Variants in GAS7 observed in about 807,000 individuals in gnomAD.
The protein encoded by GAS7 is growth arrest specific 7.
In GAS7, 28 loss-of-function variants were observed where a neutral mutation model predicts 71.1. That is an observed-to-expected ratio of 0.39 (90% CI 0.29 to 0.54). The LOEUF (loss-of-function observed/expected upper bound fraction) is 0.54. GAS7 is among the 20% of genes least tolerant of loss of function. The probability of loss-of-function intolerance (pLI) is 0.62; values close to 1 mark genes in which losing one functional copy is unlikely to be tolerated. For synonymous variants in GAS7, 258 were observed against 245.8 expected, an observed-to-expected ratio of 1.05 and a Z score of -0.46; for missense variants, 436 against 627.8, an observed-to-expected ratio of 0.69 and a Z score of 3.27.
intron 1 of GAS7, among the ~76,000 whole-genome samples, chr17:10,138,217 G>A (rs942102290): frequency 3.3e-5 from 5 of 151,604 alleles, no homozygotes; most frequent in Admixed American, 1.3e-4. Context: ...CGCCCGCCTC[G>A]GCCTCCCAAA....
chr17:9,990,467 G>A (rs1015673401), intron 2 of GAS7, among the ~76,000 whole-genome samples: 1 of 152,114 alleles, frequency 6.6e-6, no homozygotes, highest in Non-Finnish European at 1.5e-5. Flanking sequence ...CAATCTATTA[G>A]TCTCAGGGAC....
chr17:10,182,724 C>T (rs1008088613), intron 1 of GAS7, among the ~76,000 whole-genome samples: 2 of 152,226 alleles, frequency 1.3e-5, no homozygotes, highest in East Asian at 1.9e-4. Flanking sequence ...TTTGTGGTAC[C>T]GCCACCATCT....
intron 1 of GAS7, among the ~76,000 whole-genome samples, chr17:10,071,215 CAG>C (rs2073336814): frequency 6.6e-6 from 1 of 152,040 alleles, no homozygotes. Flanking sequence ...ATGAGGCAAA[CAG>C]AGCTGTGTTT....
In GAS7 at chr17:9,982,025, G is replaced by A. The variant is rs112318567; in HGVS notation, c.305-141C>T. The A allele has an allele frequency of 4.0e-3, 2,479 of 612,922 alleles. 52 individuals carry two copies. In the African/African-American group the frequency reaches 0.041, roughly 10 times the overall value. 38.0% of individuals were successfully genotyped at this position (612,922 alleles called of 1,614,324 possible). A position where few individuals can be genotyped will look rare whatever the true frequency, so the allele number is the denominator to read the frequency against. On this transcript the variant is annotated intron_variant, in intron 2 of 13. Coordinates refer to ENST00000432992, the MANE Select transcript of GAS7 (RefSeq NM_201433.2). ...CTCCTCCCCAACCCTGGCCAGACAG[G>A]ACCCTGCTTTCTGCTCCCATATCCA...
rs866150417 is a variant in GAS7 at position 10,158,349 on chromosome 17, A to C, written c.183+39859T>G. Among the ~76,000 whole-genome samples, 870 of 97,158 alleles carry C rather than the reference A, an allele frequency of 9.0e-3. 6 individuals are homozygous for C. The highest frequency in any genetic ancestry group is 0.034 in the African/African-American group (817 of 23,808). 63.7% of individuals were successfully genotyped at this position (97,158 alleles called of 152,430 possible). On this transcript the variant is annotated intron_variant, in intron 1 of 13. Coordinates refer to ENST00000432992, the MANE Select transcript of GAS7 (RefSeq NM_201433.2). Reference sequence around the variant, plus strand: ...TTCTTTTTTTGGTAAAAAAAAAAAAAAAAAAAAAAAACAAGGCCAGGTGCA... The same window carrying C: ...TTCTTTTTTTGGTAAAAAAAAAAAACAAAAAAAAAAACAAGGCCAGGTGCA...
Position 10,198,219 on chromosome 17 carries a change from G to A in GAS7, c.172C>T (p.Gln58Ter). 1 of 1,607,942 alleles carries A rather than the reference G, an allele frequency of 6.2e-7. No individual in the cohort carries two copies. The highest frequency in any genetic ancestry group is 1.3e-5 in the African/African-American group (1 of 75,002). The change falls in exon 1 of 14, where the codon CAG becomes TAG. Residue 58 changes from glutamine to a stop codon, truncating the protein, a stop_gained. Transcript: ENST00000432992. LOFTEE classifies it high-confidence loss of function. ...LRGWFPASYV[Q>*]LLEKPGMVPP... is the part of the protein sequence containing the mutation. The stretch of plus-strand genomic sequence containing the variant: ...CCCTCGCCCCTTACCTCCAGCAACT[G>A]CACGTAGCTCGCCGGGAACCAGCCA...
At chr17:10,159,786 C>CTTTTTTTT (rs71139021) in intron 1 of GAS7, among the ~76,000 whole-genome samples, 1 of 134,536 alleles carries the variant, frequency 7.4e-6, no homozygotes, top group Non-Finnish European at 1.6e-5. Flanking sequence ...GAAGTGTGAC[C>CTTTTTTTT]TTTTTTTTTT....
At chr17:10,093,921 A>C (rs1011662780) in intron 1 of GAS7, among the ~76,000 whole-genome samples, 1 of 152,198 alleles carries the variant, frequency 6.6e-6, no homozygotes, top group Non-Finnish European at 1.5e-5. Flanking sequence ...GACATGGCTC[A>C]GCACCCTCTC....
chr17:10,118,190 G>A (rs2073876771), intron 1 of GAS7, among the ~76,000 whole-genome samples: 1 of 133,692 alleles, frequency 7.5e-6, no homozygotes, highest in African/African-American at 2.6e-5. Context: ...AGATGATAGA[G>A]ATGGAGTAAA....
intron 9 of GAS7, among the ~76,000 whole-genome samples, chr17:9,928,151 C>T (rs897576217): frequency 1.3e-4 from 19 of 151,574 alleles, no homozygotes; most frequent in Admixed American, 9.2e-4. Flanking sequence ...CTCGCTCTGT[C>T]GCCCAGGCTG....
intron 5 of GAS7, among the ~76,000 whole-genome samples, chr17:9,958,289 T>A (rs1442905783): frequency 6.6e-6 from 1 of 152,218 alleles, no homozygotes; most frequent in Admixed American, 6.5e-5. Context: ...AATGAGCCAC[T>A]TGGATCACTA....
chr17:10,103,225 T>C lies in GAS7; in HGVS notation c.184-83328A>G, dbSNP rs1179475465. On this transcript the variant is annotated intron_variant, in intron 1 of 13. Coordinates refer to ENST00000432992, the MANE Select transcript of GAS7 (RefSeq NM_201433.2). This position sits in a 1 kb window ranked among gnomAD's most constrained non-coding sequence, Gnocchi z 5.5. ...CAGGCGTGGTGGTGCACACTTGTGGTCCTAGCTACTCAGGAGGCTAAGGTG... is the reference window on the plus strand; with the variant it reads ...CAGGCGTGGTGGTGCACACTTGTGGCCCTAGCTACTCAGGAGGCTAAGGTG... Among the ~76,000 whole-genome samples, 2 of 151,970 alleles carry C rather than the reference T, an allele frequency of 1.3e-5. No individual in the cohort carries two copies. The highest frequency in any genetic ancestry group is 4.8e-5 in the African/African-American group (2 of 41,378).
At chr17:9,957,124 CA>C (rs3837866) in intron 5 of GAS7, among the ~76,000 whole-genome samples, 71,341 of 151,618 alleles carry the variant, frequency 0.47, 17,747 homozygotes, top group Non-Finnish European at 0.56. Flanking sequence ...GTTTCTCTGG[CA>C]AAAAAATTCT....
chr17:10,024,540 G>A (rs779363527), intron 1 of GAS7, among the ~76,000 whole-genome samples: 3 of 152,102 alleles, frequency 2.0e-5, no homozygotes, highest in Non-Finnish European at 2.9e-5. Flanking sequence ...GGGGGAAAAC[G>A]AAGGAAGTTC....
intron 1 of GAS7, among the ~76,000 whole-genome samples, chr17:10,164,866 A>AAT (rs2074281572): frequency 6.7e-6 from 1 of 149,174 alleles, no homozygotes; most frequent in African/African-American, 2.5e-5. Context: ...AAAAAAAAAA[A>AAT]GGCTGGGCGC....
intron 1 of GAS7, among the ~76,000 whole-genome samples, chr17:10,141,133 G>A (rs1186809110): frequency 6.6e-6 from 1 of 152,212 alleles, no homozygotes; most frequent in Non-Finnish European, 1.5e-5. Flanking sequence ...CTGCTCACAG[G>A]TCACATCAAG....
At position 9,981,862 on chromosome 17, in the gene GAS7, GCTGGGACGTTCCCAGGTGGTCT is replaced by G; in HGVS notation, c.305_326del (p.Glu102AlafsTer21). The stretch of plus-strand genomic sequence containing the variant: ...GGCTGGCTGGAATCCCAGGAGAACT[GCTGGGACGTTCCCAGGTGGTCT>G]CTGGTGAAAGAAGAGCAAAGAAAAT... On this transcript the variant is annotated frameshift_variant and splice_region_variant, in exon 3 of 14. Coordinates refer to ENST00000432992, the MANE Select transcript of GAS7 (RefSeq NM_201433.2). LOFTEE classifies it high-confidence loss of function. The surrounding 1 kb of genome is among the most constrained non-coding windows in gnomAD (Gnocchi z 4.4). 11 of 1,594,896 alleles carry G rather than the reference GCTGGGACGTTCCCAGGTGGTCT, an allele frequency of 6.9e-6. No individual in the cohort carries two copies. Among genetic ancestry groups the G allele is most frequent in the Non-Finnish European group, 9.5e-6 (11 of 1,162,538 alleles).
intron 1 of GAS7, among the ~76,000 whole-genome samples, chr17:10,075,566 G>A (rs2073381351): frequency 6.6e-6 from 1 of 152,026 alleles, no homozygotes; most frequent in African/African-American, 2.4e-5. Flanking sequence ...AGGCCGAGGT[G>A]GGAGGATCAC....
chr17:10,035,107 C>T (rs956139770), intron 1 of GAS7, among the ~76,000 whole-genome samples: 2 of 152,028 alleles, frequency 1.3e-5, no homozygotes, highest in African/African-American at 2.4e-5. Flanking sequence ...AGCTTGACTT[C>T]GGCTCTTCCC....
Sources: gnomAD v4.1 joint callset for allele counts (sites outside exome capture counted in the v4.1 genomes callset) on GRCh38, gnomAD v4.1.1 for gene constraint, Gnocchi (gnomAD v3.1) non-coding constraint, MANE v1.5 for transcripts, NCBI Gene and HGNC (gene_info 2026-07-23, HGNC 2026-07-21) for gene names.